The following PRR16 variants were observed in gnomAD, a reference collection of about 807,000 sequenced individuals.
The protein encoded by PRR16 is proline rich 16, also known as protein Largen.
In PRR16, 6 loss-of-function variants were observed where a neutral mutation model predicts 18.2. The observed-to-expected ratio is 0.33, with a 90% CI of 0.18 to 0.65. PRR16 has a LOEUF of 0.65. Among genes scored for constraint, PRR16 ranks in the 30% least tolerant of loss-of-function variants. PRR16 has a pLI of 0.74. For synonymous variants in PRR16, 151 were observed against 147.8 expected, an observed-to-expected ratio of 1.02 and a Z score of -0.16; for missense variants, 412 against 376.6, an observed-to-expected ratio of 1.09 and a Z score of -0.78.
intron 1 of PRR16, among the ~76,000 whole-genome samples, chr5:120,637,479 G>A (rs1009198576): frequency 6.6e-6 from 1 of 151,940 alleles, no homozygotes. Flanking sequence ...GCCATAAAAA[G>A]GAATGAAATA....
At chr5:120,504,503 T>C (rs1241057707) in intron 1 of PRR16, among the ~76,000 whole-genome samples, 1 of 149,526 alleles carries the variant, frequency 6.7e-6, no homozygotes, top group Non-Finnish European at 1.5e-5. Flanking sequence ...TTTGAAGTAG[T>C]CTGTCACATA....
At chr5:120,539,064 G>T (rs1751823875) in intron 1 of PRR16, among the ~76,000 whole-genome samples, 1 of 152,126 alleles carries the variant, frequency 6.6e-6, no homozygotes, top group Non-Finnish European at 1.5e-5. Context: ...ACAGAAAGGA[G>T]TGGCTCAGTA....
At chr5:120,623,560 A>G (rs760437761) in intron 1 of PRR16, among the ~76,000 whole-genome samples, 7 of 152,188 alleles carry the variant, frequency 4.6e-5, no homozygotes, top group Non-Finnish European at 1.0e-4. Context: ...TGTTTTGAGC[A>G]TTACATATGG....
chr5:120,466,990 T>C (rs1749125808), intron 1 of PRR16, among the ~76,000 whole-genome samples: 1 of 152,210 alleles, frequency 6.6e-6, no homozygotes, highest in South Asian at 2.1e-4. Context: ...AGAATATGAA[T>C]GAAAATATTT....
chr5:120,768,940 C>G, the PRR16 span, among the ~76,000 whole-genome samples: 1 of 151,676 alleles, frequency 6.6e-6, no homozygotes, highest in Non-Finnish European at 1.5e-5. Flanking sequence ...GATCATTACT[C>G]TAAGAGTACA....
chr5:120,770,122 G>T, the PRR16 span, among the ~76,000 whole-genome samples: 1 of 151,848 alleles, frequency 6.6e-6, no homozygotes, highest in African/African-American at 2.4e-5. Context: ...AACCAGAAAA[G>T]ACCCAAAATA....
intron 1 of PRR16, among the ~76,000 whole-genome samples, chr5:120,651,921 G>A (rs1755804405): frequency 1.3e-5 from 2 of 151,970 alleles, no homozygotes; most frequent in South Asian, 4.2e-4. Flanking sequence ...ACCTTGGGCA[G>A]TATGGCCATT....
intron 1 of PRR16, among the ~76,000 whole-genome samples, chr5:120,637,185 G>A (rs1755256599): frequency 6.6e-6 from 1 of 151,978 alleles, no homozygotes; most frequent in South Asian, 2.1e-4. Context: ...ACTGTTGTTG[G>A]TAATATAAAC....
intron 1 of PRR16, among the ~76,000 whole-genome samples, chr5:120,478,453 A>T (rs182615839): frequency 1.3e-5 from 2 of 152,202 alleles, no homozygotes; most frequent in African/African-American, 4.8e-5. Flanking sequence ...TAGACAAAGG[A>T]TCTCTCAGCA....
chr5:120,725,258 C>T, the PRR16 span, among the ~76,000 whole-genome samples: 2 of 150,372 alleles, frequency 1.3e-5, no homozygotes, highest in African/African-American at 4.9e-5. Context: ...ACTTAAGTCT[C>T]ATATTCAGGA....
At chr5:120,482,863 A>T (rs1164589131) in intron 1 of PRR16, among the ~76,000 whole-genome samples, 1 of 152,070 alleles carries the variant, frequency 6.6e-6, no homozygotes, top group African/African-American at 2.4e-5. Context: ...AACATTTTAA[A>T]TTTTTTCTTG....
intron 1 of PRR16, among the ~76,000 whole-genome samples, chr5:120,649,769 A>C (rs2150130429): frequency 6.6e-6 from 1 of 152,212 alleles, no homozygotes; most frequent in East Asian, 1.9e-4. Context: ...CTAGACTTTT[A>C]AATACTTGTT....
At chr5:120,781,351 G>T in the PRR16 span, 1 of 152,096 alleles carries the variant, frequency 6.6e-6, no homozygotes, top group South Asian at 2.1e-4. Flanking sequence ...CAGAAGAAAC[G>T]GGTAGACCTG....
At chr5:120,503,273 A>C (rs957737983) in intron 1 of PRR16, among the ~76,000 whole-genome samples, 1 of 152,172 alleles carries the variant, frequency 6.6e-6, no homozygotes, top group Non-Finnish European at 1.5e-5. Flanking sequence ...AAAAATATTT[A>C]CTTAAAAAGG....
the PRR16 span, among the ~76,000 whole-genome samples, chr5:120,741,134 T>G: frequency 6.6e-6 from 1 of 152,004 alleles, no homozygotes; most frequent in Non-Finnish European, 1.5e-5. Context: ...TAAAAATTTT[T>G]TTATATATAT....
chr5:120,685,932 A>G (rs765182883), intron 1 of PRR16, 22 bp from the exon 2 acceptor site: 2 of 1,590,454 alleles, frequency 1.3e-6, no homozygotes, highest in Non-Finnish European at 8.6e-7. Flanking sequence ...CTTCAAAACA[A>G]TTACCTTGTC....
At chr5:120,739,873 C>G in the PRR16 span, among the ~76,000 whole-genome samples, 1 of 151,472 alleles carries the variant, frequency 6.6e-6, no homozygotes. Context: ...AGCGATTTTT[C>G]AGTAAGCTTC....
chr5:120,627,429 G>T (rs1211856052), intron 1 of PRR16, among the ~76,000 whole-genome samples: 1 of 152,048 alleles, frequency 6.6e-6, no homozygotes, highest in African/African-American at 2.4e-5. Flanking sequence ...GCAGCATATA[G>T]TAAATGGGAA....
chr5:120,671,512 G>A (rs1377287750), intron 1 of PRR16, among the ~76,000 whole-genome samples: 1 of 152,092 alleles, frequency 6.6e-6, no homozygotes, highest in African/African-American at 2.4e-5. Context: ...ATGAAGGAGA[G>A]GATAGAGTTT....
Sources: gnomAD v4.1 joint callset for allele counts (sites outside exome capture counted in the v4.1 genomes callset) on GRCh38, gnomAD v4.1.1 for gene constraint, MANE v1.5 for transcripts, NCBI Gene and HGNC (gene_info 2026-07-23, HGNC 2026-07-21) for gene names.